The following TPD52L1 variants were observed in gnomAD, a reference collection of about 807,000 sequenced individuals.
TPD52L1 encodes the protein tumor protein D53.
In TPD52L1, 18 loss-of-function variants were observed where a neutral mutation model predicts 28.7. The ratio of observed to expected loss-of-function variants is 0.63; its 90% confidence interval spans 0.43 to 0.93. The LOEUF is 0.93. Ranked by LOEUF, TPD52L1 falls within the 40% of genes least tolerant of loss-of-function variation. TPD52L1 has a pLI of 0.00. For synonymous variants in TPD52L1, 75 were observed against 88.8 expected (o/e 0.84, Z 0.88); for missense variants, 203 against 254.8 (o/e 0.80, Z 1.39).
intron 2 of TPD52L1, among the ~76,000 whole-genome samples, chr6:125,223,614 C>T (rs1795399407): frequency 7.0e-6 from 1 of 142,718 alleles, no homozygotes; most frequent in South Asian, 2.2e-4. Context: ...GAGGCTGAGG[C>T]ACAAGAATTG....
At chr6:125,154,347 G>T (rs1462267872) in intron 1 of TPD52L1, 3 of 1,045,280 alleles carry the variant, frequency 2.9e-6, no homozygotes, top group Non-Finnish European at 3.5e-6. Context: ...AGTGGGGAGG[G>T]AATGTGACTC....
intron 4 of TPD52L1, among the ~76,000 whole-genome samples, chr6:125,251,720 A>G (rs765769984): frequency 2.6e-5 from 4 of 152,242 alleles, no homozygotes; most frequent in Non-Finnish European, 5.9e-5. Context: ...TCTTCTGGGA[A>G]CTTCTCAGTT....
At chr6:125,178,658 A>AACAAAATAT (rs1163984998) in intron 1 of TPD52L1, among the ~76,000 whole-genome samples, 1 of 148,000 alleles carries the variant, frequency 6.8e-6, no homozygotes, top group Non-Finnish European at 1.5e-5. Flanking sequence ...AACAAAACAA[A>AACAAAATAT]ATATATATAT....
chr6:125,237,250 C>T (rs775223025), intron 3 of TPD52L1, among the ~76,000 whole-genome samples: 1 of 152,082 alleles, frequency 6.6e-6, no homozygotes, highest in African/African-American at 2.4e-5. Flanking sequence ...GTCCCTCTGG[C>T]TGCGGTGTTG....
At position 125,222,920 on chromosome 6, in the gene TPD52L1, A is replaced by G. The variant is rs530916980; in HGVS notation, c.135+2727A>G. Among the ~76,000 whole-genome samples, 467 of 152,356 alleles carry G rather than the reference A, an allele frequency of 3.1e-3. 4 individuals carry two copies. The highest frequency in any genetic ancestry group is 3.4e-3 in the Middle Eastern group (1 of 294). The stretch of plus-strand genomic sequence containing the variant: ...AAAAGAAAACAAACTGTAACTAATC[A>G]AATTGCTGTAACTCATAAACCAGCA... On this transcript the variant is annotated intron_variant, in intron 2 of 6. Transcript: ENST00000534000.
rs955484827 is a variant in TPD52L1 at position 125,264,320 on chromosome 6, T to A, written c.*1358T>A. On this transcript the variant is annotated 3_prime_UTR_variant, in exon 7 of 7. Transcript: ENST00000534000. ...TATAATATATACATATTTGTTAGCATGCTAATTGTTCATGTTTTGTGTTTA... is the reference window on the plus strand; with the variant it reads ...TATAATATATACATATTTGTTAGCAAGCTAATTGTTCATGTTTTGTGTTTA... 1.3e-5 allele frequency: 2 copies of A among 152,242 alleles called. No homozygotes were observed. Among genetic ancestry groups the A allele is most frequent in the Non-Finnish European group, 2.9e-5 (2 of 68,044 alleles). The allele number at this position is 152,242 out of a possible 1,614,324, so 9.4% of individuals were successfully genotyped here.
intron 1 of TPD52L1, among the ~76,000 whole-genome samples, chr6:125,212,944 A>T (rs892419105): frequency 6.6e-6 from 1 of 152,246 alleles, no homozygotes; most frequent in Admixed American, 6.5e-5. Flanking sequence ...CCAACGGAGA[A>T]GTGCAATTAC....
intron 1 of TPD52L1, among the ~76,000 whole-genome samples, chr6:125,157,247 A>G (rs1389102914): frequency 6.6e-6 from 1 of 152,224 alleles, no homozygotes; most frequent in Non-Finnish European, 1.5e-5. Flanking sequence ...GATGAGTTGT[A>G]CCTCATATTG....
In TPD52L1 at chr6:125,184,334, A is replaced by G. The variant is rs199777360; in HGVS notation, c.19+30364A>G. Among the ~76,000 whole-genome samples, 8 of 152,284 alleles carry G rather than the reference A, an allele frequency of 5.3e-5. No homozygotes were observed. In the East Asian group the frequency reaches 9.6e-4, roughly 18 times the overall value. On this transcript the variant is annotated intron_variant, in intron 1 of 6. Coordinates refer to ENST00000534000, the MANE Select transcript of TPD52L1 (RefSeq NM_003287.4). ...ATGGATGGGATTTTTTTGACACCACATAGTTAGGGGCAGAAAACTGGGACC... is the reference window on the plus strand; with the variant it reads ...ATGGATGGGATTTTTTTGACACCACGTAGTTAGGGGCAGAAAACTGGGACC...
At chr6:125,260,858 GAGAA>G (rs376498734) in intron 6 of TPD52L1, among the ~76,000 whole-genome samples, 71 of 144,978 alleles carry the variant, frequency 4.9e-4, no homozygotes, top group Middle Eastern at 3.5e-3. Context: ...AAGTGAGAGA[GAGAA>G]AGAAAGAAAA....
At chr6:125,211,516 C>T (rs567281123) in intron 1 of TPD52L1, among the ~76,000 whole-genome samples, 98 of 152,196 alleles carry the variant, frequency 6.4e-4, no homozygotes, top group African/African-American at 2.3e-3. Context: ...TGGTGATTTC[C>T]GGGAGGTGAC....
chr6:125,244,150 G>A (rs1796782072), intron 3 of TPD52L1, among the ~76,000 whole-genome samples: 1 of 152,116 alleles, frequency 6.6e-6, no homozygotes, highest in Admixed American at 6.5e-5. Flanking sequence ...TGGTGAGTGG[G>A]TGAGTTCACT....
intron 1 of TPD52L1, among the ~76,000 whole-genome samples, chr6:125,169,667 G>T (rs1457860451): frequency 6.6e-6 from 1 of 152,078 alleles, no homozygotes; most frequent in Non-Finnish European, 1.5e-5. Context: ...GTATTGCCTT[G>T]GTCCCAGCCT....
At chr6:125,160,162 T>C in intron 1 of TPD52L1, among the ~76,000 whole-genome samples, 1 of 152,148 alleles carries the variant, frequency 6.6e-6, no homozygotes, top group East Asian at 1.9e-4. Flanking sequence ...ATTAGCAGCA[T>C]AAGAATGGAC....
intron 1 of TPD52L1, among the ~76,000 whole-genome samples, chr6:125,213,188 G>A (rs78491080): frequency 6.6e-6 from 1 of 152,066 alleles, no homozygotes; most frequent in Admixed American, 6.5e-5. Flanking sequence ...AAAATATTAG[G>A]CCTAGTCCAT....
At chr6:125,205,352 A>G (rs1201702022) in intron 1 of TPD52L1, among the ~76,000 whole-genome samples, 2 of 152,094 alleles carry the variant, frequency 1.3e-5, no homozygotes, top group Non-Finnish European at 2.9e-5. Flanking sequence ...TAGCCCAGTG[A>G]AATGATGTCC....
At position 125,153,946 on chromosome 6, in the gene TPD52L1, G is replaced by A; in HGVS notation, c.-6G>A. On this transcript the variant is annotated 5_prime_UTR_variant, in exon 1 of 7. Coordinates refer to ENST00000534000, the MANE Select transcript of TPD52L1 (RefSeq NM_003287.4). ...CCCCGCCGCCCTCAGCTCGAAGTCA[G>A]CCACCATGGAGGCGCAGGCACAAGG... 6.2e-7 allele frequency: 1 copy of A among 1,606,908 alleles called. No homozygotes were observed. The highest frequency in any genetic ancestry group is 8.5e-7 in the Non-Finnish European group (1 of 1,178,478).
chr6:125,242,110 T>A (rs772606543), intron 3 of TPD52L1, among the ~76,000 whole-genome samples: 8 of 152,128 alleles, frequency 5.3e-5, no homozygotes, highest in Non-Finnish European at 1.0e-4. Flanking sequence ...GATTGTTTAA[T>A]ATCTATATAT....
At chr6:125,238,078 T>A (rs1439944448) in intron 3 of TPD52L1, among the ~76,000 whole-genome samples, 1 of 152,194 alleles carries the variant, frequency 6.6e-6, no homozygotes, top group African/African-American at 2.4e-5. Flanking sequence ...AGATTTTTCT[T>A]TATTTATTTG....
Sources: allele counts gnomAD v4.1 joint callset (sites outside exome capture counted in the v4.1 genomes callset), GRCh38; gene constraint gnomAD v4.1.1; transcripts MANE v1.5; gene names NCBI Gene and HGNC (gene_info 2026-07-23, HGNC 2026-07-21).